Variants in OPHN1 observed in about 807,000 individuals in gnomAD.
The protein encoded by OPHN1 is oligophrenin 1.
In OPHN1, 11 loss-of-function variants were observed where a neutral mutation model predicts 60.7. That is an observed-to-expected ratio of 0.18 (90% confidence interval 0.11 to 0.30). The LOEUF (loss-of-function observed/expected upper bound fraction) is 0.30, where lower values mean the gene tolerates loss of function less well. Among genes scored for constraint, OPHN1 ranks in the 10% least tolerant of loss-of-function variants. OPHN1 has a pLI of 1.00. For missense variants in OPHN1, 449 were observed against 611.0 expected, an observed-to-expected ratio of 0.73 and a Z score of 2.80; for synonymous variants, 226 against 222.6, an observed-to-expected ratio of 1.02 and a Z score of -0.14.
intron 18 of OPHN1, among the ~76,000 whole-genome samples, chrX:68,106,129 G>GA (rs2077080959): frequency 1.0e-5 from 1 of 98,999 alleles, no homozygotes; most frequent in Admixed American, 1.1e-4. Flanking sequence ...AGAGAGATCC[G>GA]AAAAAACCTG....
At chrX:68,399,776 A>G (rs1306342927) in intron 2 of OPHN1, among the ~76,000 whole-genome samples, 1 of 108,001 alleles carries the variant, frequency 9.3e-6, no homozygotes, top group East Asian at 2.9e-4. Context: ...TTGGGCAACT[A>G]CTCCATACCT....
At chrX:68,411,785 T>C (rs2078770881) in intron 2 of OPHN1, among the ~76,000 whole-genome samples, 1 of 111,993 alleles carries the variant, frequency 8.9e-6, no homozygotes, top group Non-Finnish European at 1.9e-5. Context: ...TAGGTCCCAT[T>C]TGTCAATTTT....
intron 2 of OPHN1, among the ~76,000 whole-genome samples, chrX:68,360,597 A>G (rs1250217163): frequency 9.0e-6 from 1 of 110,956 alleles, no homozygotes; most frequent in East Asian, 2.9e-4. Flanking sequence ...CAAGACCAGC[A>G]TGGGTAACAT....
At chrX:68,245,306 C>G (rs1395905637) in intron 5 of OPHN1, among the ~76,000 whole-genome samples, 1 of 111,819 alleles carries the variant, frequency 8.9e-6, no homozygotes, top group Non-Finnish European at 1.9e-5. Context: ...TCTTGCACTC[C>G]TTGTATGAAA....
intron 15 of OPHN1, among the ~76,000 whole-genome samples, chrX:68,149,808 A>C (rs1412276695): frequency 1.8e-5 from 2 of 111,216 alleles, no homozygotes; most frequent in African/African-American, 6.5e-5. Context: ...ATACCAAAAA[A>C]AAAAAATTTA....
chrX:68,138,705 G>A (rs1012785624), intron 15 of OPHN1, among the ~76,000 whole-genome samples: 2 of 112,174 alleles, frequency 1.8e-5, no homozygotes, highest in East Asian at 5.6e-4. Context: ...TACACACATT[G>A]GATTTGGTTA....
intron 20 of OPHN1, among the ~76,000 whole-genome samples, chrX:68,068,544 T>C (rs2076922054): frequency 1.9e-5 from 2 of 104,099 alleles, no homozygotes; most frequent in South Asian, 9.3e-4. Context: ...AGTTTTAATA[T>C]AGACCGACCA....
Position 68,043,853 on chromosome X carries a change from C to T in OPHN1, c.*3319G>A, listed in dbSNP as rs1054976259. Reference sequence around the variant, plus strand: ...ATCAAGTACTGCAGAGGCACCAAGACCTTTTCTGCTTCTAAAACTGCATTT... The same window carrying T: ...ATCAAGTACTGCAGAGGCACCAAGATCTTTTCTGCTTCTAAAACTGCATTT... On this transcript the variant is annotated 3_prime_UTR_variant, in exon 25 of 25. Transcript: ENST00000355520. 8.9e-6 allele frequency: 1 copy of T among 112,034 alleles called. No individual in the cohort carries two copies. Among genetic ancestry groups the T allele is most frequent in the East Asian group, 2.8e-4 (1 of 3,559 alleles). 9.2% of individuals were successfully genotyped at this position (112,034 alleles called of 1,213,427 possible).
chrX:68,421,003 C>T (rs1314720406), intron 2 of OPHN1, among the ~76,000 whole-genome samples: 2 of 111,196 alleles, frequency 1.8e-5, no homozygotes, highest in African/African-American at 3.3e-5. Flanking sequence ...CCCTCATAGG[C>T]TTCGGTTTCC....
At chrX:68,405,946 C>T (rs1305386039) in intron 2 of OPHN1, among the ~76,000 whole-genome samples, 1 of 109,803 alleles carries the variant, frequency 9.1e-6, no homozygotes, top group Non-Finnish European at 1.9e-5. Flanking sequence ...GAGTTCAAGA[C>T]CAGCCTGGCC....
chrX:68,356,433 G>C (rs2078440993), intron 2 of OPHN1, among the ~76,000 whole-genome samples: 1 of 106,427 alleles, frequency 9.4e-6, no homozygotes, highest in South Asian at 4.1e-4. Context: ...TTTTTTTTGA[G>C]ACAGGGTCTC....
chrX:68,154,265 C>T (rs965763749), intron 15 of OPHN1, among the ~76,000 whole-genome samples: 3 of 112,431 alleles, frequency 2.7e-5, no homozygotes, highest in Middle Eastern at 4.6e-3. Context: ...GGAGAGCCAA[C>T]TAGACTAGCA....
chrX:68,143,337 G>A (rs1823639001), intron 15 of OPHN1, among the ~76,000 whole-genome samples: 1 of 112,029 alleles, frequency 8.9e-6, no homozygotes, highest in Non-Finnish European at 1.9e-5. Flanking sequence ...CTCCCTAGAA[G>A]TTTGAAACTA....
chrX:68,300,326 A>C (rs2078114064), intron 2 of OPHN1, among the ~76,000 whole-genome samples: 1 of 112,302 alleles, frequency 8.9e-6, no homozygotes, highest in African/African-American at 3.2e-5. Context: ...ACACAATAAA[A>C]CAAGTTCAAG....
intron 15 of OPHN1, chrX:68,132,739 C>CAAA (rs60182364): frequency 4.2e-4 from 38 of 91,111 alleles, no homozygotes; most frequent in South Asian, 6.2e-4. Context: ...TACTAAGTGT[C>CAAA]AAAAAAAAAA....
intron 15 of OPHN1, among the ~76,000 whole-genome samples, chrX:68,134,794 G>A (rs1361678282): frequency 3.6e-5 from 4 of 110,689 alleles, no homozygotes; most frequent in Non-Finnish European, 5.7e-5. Context: ...ATTCATTTGA[G>A]GTGTCCATGG....
chrX:68,287,604 C>T (rs1284491025), intron 3 of OPHN1, among the ~76,000 whole-genome samples: 3 of 111,923 alleles, frequency 2.7e-5, no homozygotes, highest in African/African-American at 9.7e-5. Context: ...AGTAACTTCA[C>T]ACCCATTCTA....
chrX:68,317,338 GGAAAGAAAGAAAGAAAGAAAGAAA>G (rs796692093), intron 2 of OPHN1, among the ~76,000 whole-genome samples: 3 of 28,839 alleles, frequency 1.0e-4, no homozygotes, highest in African/African-American at 3.5e-4. Flanking sequence ...AAGAAAGAGA[GGAAAGAAAGAAAGAAAGAAAGAAA>G]GAAAGAAAGA....
chrX:68,063,082 G>A (rs941663204), intron 21 of OPHN1, among the ~76,000 whole-genome samples: 2 of 111,427 alleles, frequency 1.8e-5, no homozygotes, highest in African/African-American at 6.5e-5. Flanking sequence ...TGGAAAGAAC[G>A]CAGGCTTTGG....
Sources: allele counts gnomAD v4.1 joint callset (sites outside exome capture counted in the v4.1 genomes callset), GRCh38; gene constraint gnomAD v4.1.1; transcripts MANE v1.5; gene names NCBI Gene and HGNC (gene_info 2026-07-23, HGNC 2026-07-21).